RGS6: variants seen among roughly 807,000 people sequenced by gnomAD.
RGS6 encodes the protein regulator of G protein signaling 6.
Under a neutral mutation model 78.5 loss-of-function variants are expected in RGS6, and 30 were observed. The observed-to-expected ratio is 0.38, with a 90% CI of 0.29 to 0.52. RGS6 has a LOEUF of 0.52. Among genes scored for constraint, RGS6 ranks in the 20% least tolerant of loss-of-function variants. The pLI is 0.85. For missense variants in RGS6, 495 were observed against 609.7 expected, an observed-to-expected ratio of 0.81 and a Z score of 1.98; for synonymous variants, 206 against 206.0, an observed-to-expected ratio of 1.00 and a Z score of 0.00.
intron 1 of RGS6, among the ~76,000 whole-genome samples, chr14:71,946,145 C>T (rs955662844): frequency 5.9e-5 from 9 of 152,014 alleles, no homozygotes; most frequent in African/African-American, 1.9e-4. Context: ...GGTGAAGGGA[C>T]TTTCATTTTC....
intron 2 of RGS6, among the ~76,000 whole-genome samples, chr14:72,219,457 C>T (rs935501370): frequency 2.0e-5 from 3 of 152,112 alleles, no homozygotes; most frequent in African/African-American, 4.8e-5. Context: ...ACTATTTCCT[C>T]GTTGCCAACT....
intron 2 of RGS6, among the ~76,000 whole-genome samples, chr14:72,300,194 T>C (rs1465397110): frequency 1.3e-5 from 2 of 152,110 alleles, no homozygotes; most frequent in East Asian, 3.8e-4. Context: ...CTTTTTTTTT[T>C]CTGATACTAT....
chr14:72,392,962 A>C (rs2090373424), intron 3 of RGS6, among the ~76,000 whole-genome samples: 1 of 152,226 alleles, frequency 6.6e-6, no homozygotes. Context: ...GCAAACCTTC[A>C]CCATTACAAT....
intron 3 of RGS6, among the ~76,000 whole-genome samples, chr14:72,357,645 T>C (rs1330968302): frequency 4.6e-5 from 7 of 152,290 alleles, no homozygotes; most frequent in Non-Finnish European, 7.4e-5. Flanking sequence ...ATTTAGGATA[T>C]CTGGCAGAAA....
At chr14:72,412,061 T>G (rs1322865623) in intron 3 of RGS6, among the ~76,000 whole-genome samples, 1 of 152,210 alleles carries the variant, frequency 6.6e-6, no homozygotes, top group Admixed American at 6.5e-5. Context: ...GGCTTTGGTA[T>G]CAGGATGACG....
intron 2 of RGS6, among the ~76,000 whole-genome samples, chr14:72,250,447 C>CA (rs889506436): frequency 2.2e-5 from 3 of 135,072 alleles, no homozygotes; most frequent in East Asian, 2.1e-4. Flanking sequence ...AGAAGTTTCT[C>CA]AAAAAAAGAA....
intron 2 of RGS6, among the ~76,000 whole-genome samples, chr14:72,227,007 C>G (rs1216148440): frequency 6.6e-6 from 1 of 152,140 alleles, no homozygotes; most frequent in Non-Finnish European, 1.5e-5. Flanking sequence ...GGACACCAAA[C>G]AAATCAAACC....
At chr14:72,587,389 G>A in the RGS6 span, among the ~76,000 whole-genome samples, 4 of 152,146 alleles carry the variant, frequency 2.6e-5, no homozygotes, top group East Asian at 1.9e-4. Flanking sequence ...AAGCTGTGAC[G>A]GTTCTATCAC....
At chr14:72,619,935 C>T in the RGS6 span, 1 of 1,535,134 alleles carries the variant, frequency 6.5e-7, no homozygotes, top group Non-Finnish European at 8.7e-7. Flanking sequence ...GGGATTTAAA[C>T]AGTACATGTG....
At chr14:72,322,964 G>C (rs1170215166) in intron 2 of RGS6, among the ~76,000 whole-genome samples, 1 of 152,060 alleles carries the variant, frequency 6.6e-6, no homozygotes, top group African/African-American at 2.4e-5. Flanking sequence ...GCTGAAGAAA[G>C]TGTCATTAAT....
chr14:72,133,993 A>G (rs1419443602), intron 2 of RGS6, among the ~76,000 whole-genome samples: 1 of 152,190 alleles, frequency 6.6e-6, no homozygotes, highest in African/African-American at 2.4e-5. Flanking sequence ...ATCTTTCTCA[A>G]CACAGAACTC....
At chr14:71,982,007 C>T (rs111793065) in intron 2 of RGS6, among the ~76,000 whole-genome samples, 18 of 151,858 alleles carry the variant, frequency 1.2e-4, no homozygotes, top group Middle Eastern at 3.4e-3. Context: ...TTTTTAAGCC[C>T]GTCGGAAAAG....
intron 2 of RGS6, among the ~76,000 whole-genome samples, chr14:72,101,812 T>A (rs777129412): frequency 5.9e-5 from 9 of 152,230 alleles, no homozygotes; most frequent in Non-Finnish European, 1.2e-4. Flanking sequence ...CAGGCTTAGA[T>A]GGGTCCACAA....
the RGS6 span, among the ~76,000 whole-genome samples, chr14:71,927,407 A>C: frequency 3.9e-5 from 6 of 152,322 alleles, 1 homozygote; most frequent in Admixed American, 2.6e-4. Flanking sequence ...CTAACACTGG[A>C]AACAGAAAAA....
At chr14:72,040,819 G>C (rs1455688006) in intron 2 of RGS6, among the ~76,000 whole-genome samples, 1 of 151,934 alleles carries the variant, frequency 6.6e-6, no homozygotes, top group African/African-American at 2.4e-5. Context: ...CAAATTCATT[G>C]ATTCTGTTTT....
Position 72,239,390 on chromosome 14 carries a change from G to A in RGS6, c.85-112705G>A, listed in dbSNP as rs113317560. 8.8e-3 allele frequency among the ~76,000 whole-genome samples: 1,338 copies of A among 152,240 alleles called. 12 individuals are homozygous for A. Among genetic ancestry groups the A allele is most frequent in the South Asian group, 0.014 (68 of 4,826 alleles). The stretch of plus-strand genomic sequence containing the variant: ...GAAGTTGCTTCTCCCTGGAGCCTGC[G>A]TTTGATTAACACTTTAATGTTAACA... On this transcript the variant is annotated intron_variant, in intron 2 of 17. Transcript: ENST00000553525.
intron 2 of RGS6, among the ~76,000 whole-genome samples, chr14:72,151,684 G>A (rs941990687): frequency 6.6e-6 from 1 of 152,108 alleles, no homozygotes; most frequent in African/African-American, 2.4e-5. Flanking sequence ...GGAGTGTGCC[G>A]GTCAGGCCAT....
At chr14:72,470,451 G>C (rs1385200505) in intron 8 of RGS6, among the ~76,000 whole-genome samples, 2 of 152,238 alleles carry the variant, frequency 1.3e-5, no homozygotes, top group Non-Finnish European at 2.9e-5. Flanking sequence ...AAACAGGTTG[G>C]AGTTTTAGGA....
At chr14:72,496,722 G>T (rs553340928) in intron 13 of RGS6, among the ~76,000 whole-genome samples, 1 of 152,088 alleles carries the variant, frequency 6.6e-6, no homozygotes, top group African/African-American at 2.4e-5. Flanking sequence ...TTACTGAGAC[G>T]CTAAGGGTAC....
Sources: allele counts gnomAD v4.1 joint callset (sites outside exome capture counted in the v4.1 genomes callset), GRCh38; gene constraint gnomAD v4.1.1; transcripts MANE v1.5; gene names NCBI Gene and HGNC (gene_info 2026-07-23, HGNC 2026-07-21).